The following PRRC1 variants were observed in gnomAD, a reference collection of about 807,000 sequenced individuals.
The protein encoded by PRRC1 is proline rich coiled-coil 1.
In PRRC1, 39 loss-of-function variants were observed where a neutral mutation model predicts 40.7. That is an observed-to-expected ratio of 0.96 (90% CI 0.74 to 1.25). The LOEUF is 1.25. Among genes scored for constraint, PRRC1 ranks in the 50% most tolerant of loss-of-function variants. PRRC1 has a pLI of 0.00. For missense variants in PRRC1, 573 were observed against 548.3 expected (o/e 1.05, Z -0.45); for synonymous variants, 175 against 193.3 (o/e 0.91, Z 0.79).
chr5:127,524,676 C>G lies in PRRC1; in HGVS notation c.249C>G (p.Val83=), dbSNP rs781321554. 3.7e-6 allele frequency: 6 copies of G among 1,614,180 alleles called. No homozygotes were observed. In the South Asian group the frequency reaches 6.6e-5, roughly 18 times the overall value. The change falls in exon 3 of 9, where the codon GTC becomes GTG. Residue 83 remains valine (V), a synonymous_variant. Coordinates refer to ENST00000296666, the MANE Select transcript of PRRC1 (RefSeq NM_130809.5). ...TGCCTCCTCCTGCAGTTCCTTCTGT[C>G]CCACCACTTGTTACTTCTATGCCAC... ...PFVPPPAVPS[V]PPLVTSMPPP...
intron 8 of PRRC1, chr5:127,548,456 C>CTT (rs33977862): frequency 0.051 from 7,047 of 137,588 alleles, 297 homozygotes; most frequent in African/African-American, 0.11. Flanking sequence ...CCTTATTCCT[C>CTT]TTTTTTTTTT....
intron 2 of PRRC1, 24 bp downstream of exon 2, chr5:127,523,606 CG>C (rs1561678677): frequency 6.9e-7 from 1 of 1,448,870 alleles, no homozygotes; most frequent in Non-Finnish European, 9.5e-7. Flanking sequence ...TCTAACATCT[CG>C]TGTGTTTTGA....
chr5:127,530,599 GA>G (rs763966179), intron 5 of PRRC1, among the ~76,000 whole-genome samples: 6 of 151,934 alleles, frequency 3.9e-5, no homozygotes, highest in Admixed American at 6.6e-5. Flanking sequence ...AATAAATTTT[GA>G]AAATCCCACA....
At chr5:127,551,657 A>G (rs752281414) in intron 8 of PRRC1, 50 bp from the exon 9 acceptor site, 16 of 1,547,016 alleles carry the variant, frequency 1.0e-5, no homozygotes, top group African/African-American at 4.1e-5. Flanking sequence ...GCTAGTTCCA[A>G]TGATATTTTT....
chr5:127,523,069 C>T (rs1333401246), intron 1 of PRRC1, among the ~76,000 whole-genome samples: 4 of 152,138 alleles, frequency 2.6e-5, no homozygotes, highest in African/African-American at 7.2e-5. Flanking sequence ...GTCTTGGCCT[C>T]CCAGAGTGCT....
intron 7 of PRRC1, among the ~76,000 whole-genome samples, chr5:127,540,336 T>G (rs901491544): frequency 6.6e-6 from 1 of 152,152 alleles, no homozygotes; most frequent in African/African-American, 2.4e-5. Flanking sequence ...CTAGTACTAC[T>G]TTTAATACTA....
intron 8 of PRRC1, chr5:127,550,889 G>A (rs1768359717): frequency 1.3e-5 from 2 of 152,124 alleles, no homozygotes; most frequent in Non-Finnish European, 2.9e-5. Context: ...ATACTGTACT[G>A]TTTCTCTTGG....
chr5:127,538,831 T>G (rs1232644087), intron 6 of PRRC1, among the ~76,000 whole-genome samples: 1 of 152,104 alleles, frequency 6.6e-6, no homozygotes, highest in Non-Finnish European at 1.5e-5. Context: ...TGGAATAATT[T>G]GGAAGGTGTA....
chr5:127,542,414 A>G (rs955235930), intron 7 of PRRC1, among the ~76,000 whole-genome samples: 38 of 151,936 alleles, frequency 2.5e-4, no homozygotes, highest in African/African-American at 9.0e-4. Context: ...GCTGAGTTCA[A>G]TTTCTGGGTA....
chr5:127,526,199 T>C (rs1767608582), intron 3 of PRRC1, among the ~76,000 whole-genome samples: 1 of 152,244 alleles, frequency 6.6e-6, no homozygotes, highest in South Asian at 2.1e-4. Context: ...AAGTACTATA[T>C]TCATGTCTAT....
At position 127,554,754 on chromosome 5, in the gene PRRC1, A is replaced by G. The variant is rs1768483076; in HGVS notation, c.*2838A>G. On this transcript the variant is annotated 3_prime_UTR_variant, in exon 9 of 9. Transcript: ENST00000296666. ...AGGTAGTGTGATAGTATAAGTATCT[A>G]AGTGCAGATGAAAGTGTGTTATATA... The G allele has an allele frequency of 6.6e-6, 1 of 152,666 alleles. No homozygotes were observed. The highest frequency in any genetic ancestry group is 1.5e-5 in the Non-Finnish European group (1 of 68,038). The allele number at this position is 152,666 out of a possible 1,614,324, so 9.5% of individuals were successfully genotyped here. A position where few individuals can be genotyped will look rare whatever the true frequency, so the allele number is the denominator to read the frequency against.
chr5:127,528,695 A>G (rs1236575147), intron 4 of PRRC1, among the ~76,000 whole-genome samples: 1 of 151,996 alleles, frequency 6.6e-6, no homozygotes, highest in African/African-American at 2.4e-5. Flanking sequence ...TTCTTCTGTG[A>G]TCCCTTTCTA....
Position 127,524,930 on chromosome 5 carries a change from T to C in PRRC1, c.493+10T>C. 1 of 1,563,996 alleles carries C rather than the reference T, an allele frequency of 6.4e-7. No homozygotes were observed. The highest frequency in any genetic ancestry group is 8.6e-7 in the Non-Finnish European group (1 of 1,156,618). ...GCACCTTCAGGAACAGGTAATTCTT[T>C]CTGATACTTTGAAATACATGGCTAT... is the stretch of plus-strand genomic sequence containing the variant. On this transcript the variant is annotated intron_variant, in intron 3 of 8. Transcript: ENST00000296666.
chr5:127,520,555 A>G (rs1045541052), intron 1 of PRRC1, among the ~76,000 whole-genome samples: 1 of 152,254 alleles, frequency 6.6e-6, no homozygotes, highest in African/African-American at 2.4e-5. Context: ...AAAAAAGCCA[A>G]CTTCAAAAGG....
Position 127,533,741 on chromosome 5 carries a change from G to C in PRRC1, c.876G>C (p.Gln292His). 2.5e-6 allele frequency: 4 copies of C among 1,614,086 alleles called. No homozygotes were observed. The East Asian group carries it at 8.9e-5, about 36-fold the overall frequency. The change falls in exon 6 of 9, where the codon CAG becomes CAC. Residue 292 changes from glutamine to histidine, a missense_variant. Gln to His is a conservative substitution (Grantham distance 24, BLOSUM62 0). Coordinates refer to ENST00000296666, the MANE Select transcript of PRRC1 (RefSeq NM_130809.5). ...CTGTGGTTGTAGGGGAAGCTGGACA[G>C]TCCAATATTGCCCCACAACCAGTGG... Reference protein sequence around the residue: ...GLAVVVGEAGQSNIAPQPVGY... With the variant: ...GLAVVVGEAGHSNIAPQPVGY...
chr5:127,526,215 T>C (rs994764188), intron 3 of PRRC1, among the ~76,000 whole-genome samples: 1 of 152,226 alleles, frequency 6.6e-6, no homozygotes, highest in African/African-American at 2.4e-5. Context: ...TCTATGTATA[T>C]GTGAATTTTC....
intron 2 of PRRC1, chr5:127,523,821 A>T (rs1264677898): frequency 2.8e-6 from 1 of 358,600 alleles, no homozygotes; most frequent in Non-Finnish European, 4.9e-6. Context: ...TAATTTTACC[A>T]TCATTTATAT....
In PRRC1 at chr5:127,554,148, T is replaced by A. The variant is rs1052391635; in HGVS notation, c.*2232T>A. On this transcript the variant is annotated 3_prime_UTR_variant, in exon 9 of 9. Coordinates refer to ENST00000296666, the MANE Select transcript of PRRC1 (RefSeq NM_130809.5). ...ACCATGGCAGCTTAGCCAGGTAGTCTTAGTGGTGGTGTTTAGGCATAAGAT... is the reference window on the plus strand; with the variant it reads ...ACCATGGCAGCTTAGCCAGGTAGTCATAGTGGTGGTGTTTAGGCATAAGAT... 1.5e-5 allele frequency: 5 copies of A among 344,210 alleles called. No homozygotes were observed. Among genetic ancestry groups the A allele is most frequent in the African/African-American group, 1.1e-4 (5 of 46,738 alleles). The allele number at this position is 344,210 out of a possible 1,614,324, so 21.3% of individuals were successfully genotyped here. A position where few individuals can be genotyped will look rare whatever the true frequency, so the allele number is the denominator to read the frequency against.
At chr5:127,531,045 C>T (rs189400891) in intron 5 of PRRC1, among the ~76,000 whole-genome samples, 130 of 152,270 alleles carry the variant, frequency 8.5e-4, no homozygotes, top group Non-Finnish European at 1.5e-3. Context: ...CAAAATTGTG[C>T]AGCAGGTACC....
Sources: gnomAD v4.1 joint callset for allele counts (sites outside exome capture counted in the v4.1 genomes callset) on GRCh38, gnomAD v4.1.1 for gene constraint, MANE v1.5 for transcripts, NCBI Gene and HGNC (gene_info 2026-07-23, HGNC 2026-07-21) for gene names.